Variants in SYT13 observed in about 807,000 individuals in gnomAD.
SYT13 encodes synaptotagmin 13.
Under a neutral mutation model 38.6 loss-of-function variants are expected in SYT13, and 21 were observed. The ratio of observed to expected loss-of-function variants is 0.54; its 90% CI spans 0.39 to 0.78. The LOEUF is 0.78. Ranked by LOEUF, SYT13 falls within the 30% of genes least tolerant of loss-of-function variation. The probability of loss-of-function intolerance (pLI) is 0.00; values close to 1 mark genes in which losing one functional copy is unlikely to be tolerated. For missense variants in SYT13, 495 were observed against 548.7 expected, an observed-to-expected ratio of 0.90 and a Z score of 0.98; for synonymous variants, 241 against 237.6, an observed-to-expected ratio of 1.01 and a Z score of -0.13.
At position 45,262,746 on chromosome 11, in the gene SYT13, CACACACACACACACACACACACAA is replaced by C. The variant is rs1334379593; in HGVS notation, c.184-6879_184-6856del. Among the ~76,000 whole-genome samples, 22 of 130,922 alleles carry C rather than the reference CACACACACACACACACACACACAA, an allele frequency of 1.7e-4. No homozygotes were observed. In the South Asian group the frequency reaches 4.4e-3, roughly 26 times the overall value. The allele number at this position is 130,922 out of a possible 152,430, so 85.9% of individuals were successfully genotyped here. On this transcript the variant is annotated intron_variant, in intron 1 of 5. Coordinates refer to ENST00000020926, the MANE Select transcript of SYT13 (RefSeq NM_020826.3). ...TCACACACACACACACACACACACA[CACACACACACACACACACACACAA>C]ATTGAACTGTACACTTAAAAATGGT...
intron 1 of SYT13, among the ~76,000 whole-genome samples, chr11:45,261,244 CG>C (rs1343763690): frequency 6.6e-6 from 1 of 152,134 alleles, no homozygotes; most frequent in Non-Finnish European, 1.5e-5. Context: ...GTGAAGAAAT[CG>C]GAATTCTGTG....
chr11:45,248,380 T>C (rs1197861397), intron 4 of SYT13, among the ~76,000 whole-genome samples: 23 of 152,226 alleles, frequency 1.5e-4, no homozygotes, highest in Non-Finnish European at 2.9e-5. Context: ...ATTCCATTTA[T>C]AATCTTGATG....
At chr11:45,270,206 T>A (rs56684072) in intron 1 of SYT13, among the ~76,000 whole-genome samples, 1 of 152,218 alleles carries the variant, frequency 6.6e-6, no homozygotes, top group Non-Finnish European at 1.5e-5. Flanking sequence ...TTAAACTGAG[T>A]CTGTGTATAG....
intron 1 of SYT13, 184 bp downstream of exon 1, chr11:45,285,841 C>T (rs1855127488): frequency 1.5e-6 from 1 of 669,222 alleles, no homozygotes; most frequent in East Asian, 3.2e-5. Flanking sequence ...CCCCCATCCC[C>T]TAGCCTCCCC....
chr11:45,246,353 GC>G, intron 5 of SYT13, 29 bp downstream of exon 5: 1 of 1,611,222 alleles, frequency 6.2e-7, no homozygotes, highest in East Asian at 2.2e-5. Context: ...AGCTGGAGGG[GC>G]CTTGGCCATC....
chr11:45,266,862 A>T (rs1232977662), intron 1 of SYT13, among the ~76,000 whole-genome samples: 1 of 152,196 alleles, frequency 6.6e-6, no homozygotes, highest in African/African-American at 2.4e-5. Flanking sequence ...CTGAACCTTC[A>T]TGGCTAGCCA....
intron 1 of SYT13, among the ~76,000 whole-genome samples, chr11:45,276,377 A>G (rs547429092): frequency 6.6e-6 from 1 of 152,336 alleles, no homozygotes; most frequent in South Asian, 2.1e-4. Context: ...GTGAGAGTTG[A>G]ACAATGAGAA....
chr11:45,283,214 A>T (rs1855094878), intron 1 of SYT13, among the ~76,000 whole-genome samples: 1 of 152,168 alleles, frequency 6.6e-6, no homozygotes. Context: ...CTTCAACTTC[A>T]TCCAGCCATT....
At chr11:45,260,930 C>T (rs1854807706) in intron 1 of SYT13, among the ~76,000 whole-genome samples, 1 of 152,204 alleles carries the variant, frequency 6.6e-6, no homozygotes, top group Non-Finnish European at 1.5e-5. Context: ...TTCTCCATGC[C>T]TGCTGAGTTA....
chr11:45,257,743 T>C (rs564396790), intron 1 of SYT13, among the ~76,000 whole-genome samples: 109 of 152,342 alleles, frequency 7.2e-4, no homozygotes, highest in African/African-American at 2.4e-3. Context: ...ACAGGGGCAT[T>C]CCTTAATTAG....
At chr11:45,264,446 A>G (rs868040792) in intron 1 of SYT13, among the ~76,000 whole-genome samples, 3 of 152,208 alleles carry the variant, frequency 2.0e-5, no homozygotes, top group Non-Finnish European at 4.4e-5. Context: ...ACACACTGCA[A>G]TGTTGAAAGC....
chr11:45,285,768 C>T (rs1465158069), intron 1 of SYT13: 5 of 692,712 alleles, frequency 7.2e-6, no homozygotes, highest in Non-Finnish European at 1.3e-5. Context: ...TCGCTGCTGG[C>T]CCCCATTCTT....
chr11:45,254,727 C>CT (rs1854722929), intron 2 of SYT13: 1 of 220,740 alleles, frequency 4.5e-6, no homozygotes, highest in African/African-American at 2.3e-5. Context: ...CTCTTCTTCC[C>CT]ATATCTTCCC....
intron 1 of SYT13, among the ~76,000 whole-genome samples, chr11:45,279,495 G>A (rs1248922652): frequency 2.6e-5 from 4 of 152,148 alleles, no homozygotes; most frequent in Middle Eastern, 3.2e-3. Flanking sequence ...GCTGAGGTGG[G>A]AGGATCACTT....
At position 45,286,154 on chromosome 11, in the gene SYT13, G is replaced by A. The variant is rs756875770; in HGVS notation, c.54C>T (p.Thr18=). The change falls in exon 1 of 6, where the codon ACC becomes ACT. Residue 18 remains threonine, a synonymous_variant. Transcript: ENST00000020926. ...TGACCCCGCACAACGCGAGGATGCT[G>A]GTGGCTGTGCCCAGCGTGGCGCCCA... ...IALGATLGTA[T]SILALCGVTC... The A allele has an allele frequency of 1.4e-5, 22 of 1,590,800 alleles. No individual in the cohort carries two copies. The highest frequency in any genetic ancestry group is 1.5e-5 in the Non-Finnish European group (17 of 1,171,704).
chr11:45,283,073 A>G (rs1256612250), intron 1 of SYT13, among the ~76,000 whole-genome samples: 1 of 152,326 alleles, frequency 6.6e-6, no homozygotes, highest in South Asian at 2.1e-4. Flanking sequence ...ACCTGAGCCC[A>G]GGAAGTCAAG....
At chr11:45,275,072 G>C (rs924725102) in intron 1 of SYT13, among the ~76,000 whole-genome samples, 1 of 152,080 alleles carries the variant, frequency 6.6e-6, no homozygotes, top group Non-Finnish European at 1.5e-5. Flanking sequence ...ACCCTCCCCT[G>C]CTTCTCTGTG....
chr11:45,254,047 C>T, intron 3 of SYT13: 1 of 418,092 alleles, frequency 2.4e-6, no homozygotes, highest in East Asian at 3.9e-5. Flanking sequence ...CTTGAATCAC[C>T]ATTTGGAGAA....
At chr11:45,280,020 T>C (rs1236401283) in intron 1 of SYT13, among the ~76,000 whole-genome samples, 1 of 152,216 alleles carries the variant, frequency 6.6e-6, no homozygotes, top group Non-Finnish European at 1.5e-5. Flanking sequence ...CAATTGCTTG[T>C]TTTATTGTCT....
Sources: allele counts gnomAD v4.1 joint callset (sites outside exome capture counted in the v4.1 genomes callset), GRCh38; gene constraint gnomAD v4.1.1; transcripts MANE v1.5; gene names NCBI Gene and HGNC (gene_info 2026-07-23, HGNC 2026-07-21).